JMJD1C: variants seen among roughly 807,000 people sequenced by gnomAD.
The protein encoded by JMJD1C is jumonji domain containing 1C, also known as jumonji domain-containing protein 1C.
A neutral mutation model predicts 245.3 loss-of-function variants in JMJD1C; 31 were observed. The observed-to-expected ratio is 0.13, with a 90% CI of 0.09 to 0.17. JMJD1C has a LOEUF of 0.17. Among genes scored for constraint, JMJD1C ranks in the 10% least tolerant of loss-of-function variants. The probability of loss-of-function intolerance (pLI) is 1.00; values close to 1 mark genes in which losing one functional copy is unlikely to be tolerated. For synonymous variants in JMJD1C, 1,057 were observed against 1,017.4 expected (o/e 1.04, Z -0.74); for missense variants, 2,691 against 3,000.2 (o/e 0.90, Z 2.41).
rs1195588742 is a variant in JMJD1C at position 63,376,836 on chromosome 10, G to A, written c.333+3482C>T. ...CACAATGCTGGTGGAAATGAAAAAT[G>A]GTGCAGCCACTTGGAAAACAGTATG... On this transcript the variant is annotated intron_variant, in intron 2 of 25. Coordinates refer to ENST00000399262, the MANE Select transcript of JMJD1C (RefSeq NM_032776.3). Among the ~76,000 whole-genome samples, 4 of 152,114 alleles carry A rather than the reference G, an allele frequency of 2.6e-5. No homozygotes were observed. The East Asian group carries it at 5.8e-4, about 22-fold the overall frequency.
chr10:63,271,788 A>C (rs2133834341), intron 2 of JMJD1C, among the ~76,000 whole-genome samples: 1 of 152,330 alleles, frequency 6.6e-6, no homozygotes. Flanking sequence ...CAGAAGTATC[A>C]ATTTCATTTC....
intron 3 of JMJD1C, among the ~76,000 whole-genome samples, chr10:63,241,508 G>A (rs1485098629): frequency 6.6e-6 from 1 of 152,012 alleles, no homozygotes; most frequent in Non-Finnish European, 1.5e-5. Context: ...TGCTTCAAAG[G>A]CTTTCACTCC....
intron 1 of JMJD1C, among the ~76,000 whole-genome samples, chr10:63,508,715 TA>T (rs1213576142): frequency 3.9e-5 from 6 of 152,232 alleles, no homozygotes; most frequent in African/African-American, 1.4e-4. Flanking sequence ...TTTATACCTA[TA>T]AATTTCATTC....
At chr10:63,421,709 TG>T (rs768479497) in intron 1 of JMJD1C, among the ~76,000 whole-genome samples, 6 of 152,186 alleles carry the variant, frequency 3.9e-5, no homozygotes, top group Non-Finnish European at 7.3e-5. Context: ...GGTGAGACCC[TG>T]AAGTGAAATC....
At chr10:63,211,770 G>A (rs1262594578) in intron 8 of JMJD1C, among the ~76,000 whole-genome samples, 2 of 140,784 alleles carry the variant, frequency 1.4e-5, no homozygotes, top group Non-Finnish European at 3.0e-5. Flanking sequence ...GTTGCAGTGA[G>A]CCGAGATCAC....
intron 1 of JMJD1C, among the ~76,000 whole-genome samples, chr10:63,406,899 A>G (rs1949204038): frequency 6.6e-6 from 1 of 152,232 alleles, no homozygotes; most frequent in East Asian, 1.9e-4. Context: ...AATAATTAAC[A>G]TGCTGGATGA....
Position 63,513,964 on chromosome 10 carries a change from CA to C in JMJD1C, n.113+7773del, listed in dbSNP as rs537628007. The stretch of plus-strand genomic sequence containing the variant: ...TAAAATAACCCCATTTAAAAATGGG[CA>C]AAAACACATGAACAGACACTTCTCA... On this transcript the variant is annotated intron_variant and non_coding_transcript_variant, in intron 1 of 3. Transcript: ENST00000633035. Among the ~76,000 whole-genome samples the C allele has an allele frequency of 2.2e-3, 338 of 152,082 alleles. 5 individuals are homozygous for C. The highest frequency in any genetic ancestry group is 0.021 in the Admixed American group (320 of 15,266).
chr10:63,446,712 A>C (rs959829011), intron 1 of JMJD1C, among the ~76,000 whole-genome samples: 4 of 152,226 alleles, frequency 2.6e-5, no homozygotes, highest in African/African-American at 7.2e-5. Context: ...AATGCTGCTG[A>C]TAAGCCCAGT....
At chr10:63,342,789 A>G (rs1263311564) in intron 2 of JMJD1C, among the ~76,000 whole-genome samples, 1 of 152,236 alleles carries the variant, frequency 6.6e-6, no homozygotes, top group African/African-American at 2.4e-5. Flanking sequence ...GATAACCATG[A>G]CTGTCCACAT....
chr10:63,428,561 G>A (rs986086355), intron 1 of JMJD1C, among the ~76,000 whole-genome samples: 1 of 152,032 alleles, frequency 6.6e-6, no homozygotes, highest in African/African-American at 2.4e-5. Flanking sequence ...GAATAGATGA[G>A]AAACTTTTCA....
chr10:63,476,871 AG>A (rs1564959347), intron 1 of JMJD1C, among the ~76,000 whole-genome samples: 1 of 152,214 alleles, frequency 6.6e-6, no homozygotes. Flanking sequence ...TCAAAGCTGC[AG>A]AAAGAAATCT....
chr10:63,465,879 G>C lies in JMJD1C; in HGVS notation c.-217C>G, dbSNP rs1470420855. 4.4e-6 allele frequency: 3 copies of C among 674,192 alleles called. No homozygotes were observed. The highest frequency in any genetic ancestry group is 5.5e-5 in the East Asian group (2 of 36,634). The allele number at this position is 674,192 out of a possible 1,614,324, so 41.8% of individuals were successfully genotyped here. A position where few individuals can be genotyped will look rare whatever the true frequency, so the allele number is the denominator to read the frequency against. Reference sequence around the variant, plus strand: ...TTTGGACTCCCAGATTCGCAGCCTTGTGCTGCAGCGCCACACAAGAAAACT... The same window carrying C: ...TTTGGACTCCCAGATTCGCAGCCTTCTGCTGCAGCGCCACACAAGAAAACT... On this transcript the variant is annotated 5_prime_UTR_variant, in exon 1 of 26. Transcript: ENST00000399262.
chr10:63,321,269 T>C (rs1715443799), intron 2 of JMJD1C, among the ~76,000 whole-genome samples: 2 of 152,246 alleles, frequency 1.3e-5, no homozygotes, highest in South Asian at 4.1e-4. Context: ...TGAATTGCTC[T>C]AGCAAACTAA....
intron 1 of JMJD1C, among the ~76,000 whole-genome samples, chr10:63,518,270 C>T (rs954226370): frequency 2.6e-5 from 4 of 152,174 alleles, no homozygotes; most frequent in Non-Finnish European, 5.9e-5. Flanking sequence ...ATCAACAGTT[C>T]TCAACCACAT....
chr10:63,386,970 G>T (rs1947653822), intron 1 of JMJD1C, among the ~76,000 whole-genome samples: 1 of 152,174 alleles, frequency 6.6e-6, no homozygotes. Flanking sequence ...AGTGGCCCAT[G>T]TGGCAACCCA....
At chr10:63,318,365 T>C (rs867149454) in intron 2 of JMJD1C, among the ~76,000 whole-genome samples, 7 of 152,184 alleles carry the variant, frequency 4.6e-5, no homozygotes, top group Non-Finnish European at 1.0e-4. Flanking sequence ...TATCTTGAAA[T>C]CACCATCCAG....
At chr10:63,257,166 G>T (rs1456918598) in intron 3 of JMJD1C, among the ~76,000 whole-genome samples, 1 of 144,974 alleles carries the variant, frequency 6.9e-6, no homozygotes, top group Non-Finnish European at 1.5e-5. Flanking sequence ...GAACCAGGGA[G>T]ATGGAGGTTG....
intron 1 of JMJD1C, 170 bp downstream of exon 1, chr10:63,465,325 A>T: frequency 1.4e-6 from 1 of 689,720 alleles, no homozygotes. Context: ...GCTCGGAGAG[A>T]CGCAGGGACC....
chr10:63,288,696 A>G (rs941013278), intron 2 of JMJD1C, among the ~76,000 whole-genome samples: 2 of 152,120 alleles, frequency 1.3e-5, no homozygotes, highest in Non-Finnish European at 2.9e-5. Flanking sequence ...CCTGGCCAAC[A>G]TGGCAAAACC....
Sources: gnomAD v4.1 joint callset for allele counts (sites outside exome capture counted in the v4.1 genomes callset) on GRCh38, gnomAD v4.1.1 for gene constraint, MANE v1.5 for transcripts, NCBI Gene and HGNC (gene_info 2026-07-23, HGNC 2026-07-21) for gene names.